SLC25A48: variants seen among roughly 807,000 people sequenced by gnomAD.
SLC25A48 encodes the protein CTC-321K16.1.
SLC25A48 carries 29 observed loss-of-function variants against 32.2 expected under a neutral mutation model. That is an observed-to-expected ratio of 0.90 (90% CI 0.67 to 1.23). The LOEUF is 1.23. SLC25A48 is among the 50% of genes most tolerant of loss of function. SLC25A48 has a pLI of 0.00. For missense variants in SLC25A48, 399 were observed against 422.7 expected (o/e 0.94, Z 0.49); for synonymous variants, 164 against 172.3 (o/e 0.95, Z 0.38).
chr5:135,812,090 T>A (rs530821717), intron 3 of SLC25A48, among the ~76,000 whole-genome samples: 66 of 152,222 alleles, frequency 4.3e-4, no homozygotes, highest in Non-Finnish European at 6.5e-4. Context: ...TCAAAAAAAA[T>A]AAATAAATAA....
chr5:135,860,771 T>G (rs1760711497), intron 4 of SLC25A48, among the ~76,000 whole-genome samples: 1 of 152,146 alleles, frequency 6.6e-6, no homozygotes, highest in Non-Finnish European at 1.5e-5. Flanking sequence ...CTTTTGAGAC[T>G]GATTGGGTTT....
intron 1 of SLC25A48, among the ~76,000 whole-genome samples, chr5:135,598,210 G>T (rs1751704967): frequency 6.6e-6 from 1 of 152,138 alleles, no homozygotes; most frequent in South Asian, 2.1e-4. Context: ...GGGCAGCCTG[G>T]CTTCAGGAGG....
intron 3 of SLC25A48, among the ~76,000 whole-genome samples, chr5:135,753,631 C>T (rs767384392): frequency 6.6e-6 from 1 of 151,846 alleles, no homozygotes; most frequent in African/African-American, 2.4e-5. Flanking sequence ...AGGGTGCACA[C>T]CCACAGTGAT....
At chr5:135,806,553 C>T (rs966598440) in intron 3 of SLC25A48, among the ~76,000 whole-genome samples, 2 of 150,350 alleles carry the variant, frequency 1.3e-5, no homozygotes, top group Non-Finnish European at 3.0e-5. Context: ...TTATTAATAT[C>T]GTGTGTTAAC....
intron 4 of SLC25A48, among the ~76,000 whole-genome samples, chr5:135,861,312 C>T (rs559802990): frequency 9.4e-5 from 12 of 127,966 alleles, no homozygotes; most frequent in African/African-American, 2.0e-4. Flanking sequence ...CAAATACACA[C>T]GCACACACAC....
At chr5:135,744,552 G>C (rs1024895758) in intron 3 of SLC25A48, among the ~76,000 whole-genome samples, 1 of 151,726 alleles carries the variant, frequency 6.6e-6, no homozygotes, top group African/African-American at 2.4e-5. Context: ...GGCCAGGCTG[G>C]TCTTGAACTC....
At position 135,666,353 on chromosome 5, in the gene SLC25A48, AGT is replaced by A. The variant is rs570428254; in HGVS notation, c.-521+31399_-521+31400del. 1.8e-4 allele frequency among the ~76,000 whole-genome samples: 28 copies of A among 152,354 alleles called. 1 individual carries two copies. The East Asian group carries it at 5.2e-3, about 28-fold the overall frequency. ...ATCTGTATATTTTAGACCAGGAAAT[AGT>A]GATGCAGTTTTTCAGTAAAATACCC... On this transcript the variant is annotated intron_variant, in intron 3 of 10. Coordinates refer to the SLC25A48 transcript ENST00000646290.
chr5:135,855,308 A>G lies in SLC25A48; in HGVS notation c.421+2487A>G, dbSNP rs1486259154. Among the ~76,000 whole-genome samples the G allele has an allele frequency of 2.0e-5, 3 of 152,196 alleles. No homozygotes were observed. In the South Asian group the frequency reaches 6.2e-4, roughly 32 times the overall value. ...ATGAAATATCTGGGAAGTGAAATGA[A>G]GTGAAGTACAATCAAACAAGGTGTG... On this transcript the variant is annotated intron_variant, in intron 4 of 7. Transcript: ENST00000681962.
intron 1 of SLC25A48, among the ~76,000 whole-genome samples, chr5:135,617,233 G>A (rs1752211363): frequency 6.6e-6 from 1 of 151,940 alleles, no homozygotes; most frequent in Non-Finnish European, 1.5e-5. Context: ...AGGTATTCTA[G>A]TTTGTCAATA....
chr5:135,842,839 C>G (rs955491933), intron 2 of SLC25A48, among the ~76,000 whole-genome samples: 1 of 152,234 alleles, frequency 6.6e-6, no homozygotes, highest in Non-Finnish European at 1.5e-5. Context: ...GTGCGAGATG[C>G]TGCAAAGGAG....
Position 135,842,304 on chromosome 5 carries a change from A to C in SLC25A48, c.47-112A>C, listed in dbSNP as rs1580964755. 4 of 1,104,668 alleles carry C rather than the reference A, an allele frequency of 3.6e-6. No individual in the cohort carries two copies. In the South Asian group the frequency reaches 4.0e-5, roughly 11 times the overall value. The allele number at this position is 1,104,668 out of a possible 1,614,324, so 68.4% of individuals were successfully genotyped here. A position where few individuals can be genotyped will look rare whatever the true frequency, so the allele number is the denominator to read the frequency against. ...ACATTGGAGCCCACCCACTCCCCCT[A>C]CCCCAGCAATTGACCGTTGACTAAA... On this transcript the variant is annotated intron_variant, in intron 1 of 7. Coordinates refer to ENST00000681962, the MANE Select transcript of SLC25A48 (RefSeq NM_001349336.2).
At chr5:135,771,216 G>T (rs1308901485) in intron 3 of SLC25A48, among the ~76,000 whole-genome samples, 1 of 151,604 alleles carries the variant, frequency 6.6e-6, no homozygotes, top group Non-Finnish European at 1.5e-5. Context: ...TAGCCGGGGG[G>T]GAGAAGGTGA....
intron 3 of SLC25A48, among the ~76,000 whole-genome samples, chr5:135,690,518 A>G (rs1294512377): frequency 6.6e-6 from 1 of 152,188 alleles, no homozygotes; most frequent in Non-Finnish European, 1.5e-5. Context: ...TCCCTGCTAC[A>G]AGCCACTTGT....
intron 3 of SLC25A48, among the ~76,000 whole-genome samples, chr5:135,672,781 A>C (rs1295819510): frequency 1.1e-4 from 16 of 152,204 alleles, no homozygotes; most frequent in African/African-American, 3.9e-4. Context: ...GTTTAGACAA[A>C]TGTATATGCC....
At chr5:135,579,196 G>C (rs1580696535), upstream of SLC25A48, 2 of 291,584 alleles carry the variant, frequency 6.9e-6, no homozygotes. Flanking sequence ...GCGCGCACAC[G>C]CACACACACA....
At chr5:135,642,149 G>A (rs1052627375) in intron 3 of SLC25A48, among the ~76,000 whole-genome samples, 2 of 152,194 alleles carry the variant, frequency 1.3e-5, no homozygotes, top group African/African-American at 4.8e-5. Context: ...CGCACGCTTG[G>A]GGGCCAGTTC....
intron 3 of SLC25A48, among the ~76,000 whole-genome samples, chr5:135,780,794 G>A (rs1428613139): frequency 8.7e-6 from 1 of 114,520 alleles, no homozygotes; most frequent in African/African-American, 2.6e-5. Flanking sequence ...CCGGGGAGGT[G>A]GGGAGAGGAT....
At chr5:135,675,838 G>A (rs930294442) in intron 3 of SLC25A48, among the ~76,000 whole-genome samples, 1 of 152,070 alleles carries the variant, frequency 6.6e-6, no homozygotes, top group Non-Finnish European at 1.5e-5. Context: ...CATGAGCATG[G>A]AATGTGTTTC....
At chr5:135,604,947 G>A (rs1162009866) in intron 1 of SLC25A48, among the ~76,000 whole-genome samples, 1 of 152,178 alleles carries the variant, frequency 6.6e-6, no homozygotes, top group Non-Finnish European at 1.5e-5. Flanking sequence ...CCTGTGGGGA[G>A]TTGTGTGCTT....
Sources: gnomAD v4.1 joint callset for allele counts (sites outside exome capture counted in the v4.1 genomes callset) on GRCh38, gnomAD v4.1.1 for gene constraint, MANE v1.5 for transcripts, NCBI Gene and HGNC (gene_info 2026-07-23, HGNC 2026-07-21) for gene names.